MTUS2: variants seen among roughly 807,000 people sequenced by gnomAD.
MTUS2 encodes the protein microtubule-associated tumor suppressor candidate 2.
A neutral mutation model predicts 114.1 loss-of-function variants in MTUS2; 40 were observed. That is an observed-to-expected ratio of 0.35 (90% CI 0.27 to 0.46). The LOEUF is 0.46. MTUS2 is among the 20% of genes least tolerant of loss of function. The pLI is 1.00. For synonymous variants in MTUS2, 688 were observed against 672.0 expected (o/e 1.02, Z -0.37); for missense variants, 1,679 against 1,705.4 (o/e 0.98, Z 0.27).
At chr13:29,197,216 C>T (rs1894740800) in intron 5 of MTUS2, among the ~76,000 whole-genome samples, 1 of 152,150 alleles carries the variant, frequency 6.6e-6, no homozygotes, top group Non-Finnish European at 1.5e-5. Flanking sequence ...ATATCCCTCC[C>T]CTTGCCCCCC....
intron 2 of MTUS2, among the ~76,000 whole-genome samples, chr13:28,939,714 A>C (rs1023838438): frequency 6.6e-6 from 1 of 152,174 alleles, no homozygotes; most frequent in African/African-American, 2.4e-5. Context: ...CACCTGCTGA[A>C]AAAACTAGGA....
intron 8 of MTUS2, among the ~76,000 whole-genome samples, chr13:29,386,150 A>G (rs996806981): frequency 6.6e-6 from 1 of 152,246 alleles, no homozygotes; most frequent in Non-Finnish European, 1.5e-5. Context: ...CTCATCAGGA[A>G]AAATCTTTCC....
intron 5 of MTUS2, among the ~76,000 whole-genome samples, chr13:29,171,759 C>T (rs1181468186): frequency 1.3e-5 from 2 of 152,216 alleles, no homozygotes; most frequent in African/African-American, 4.8e-5. Flanking sequence ...TTATATTTCT[C>T]TACCAACTGT....
intron 8 of MTUS2, among the ~76,000 whole-genome samples, chr13:29,383,080 C>G (rs1186033791): frequency 1.3e-5 from 2 of 152,060 alleles, no homozygotes; most frequent in Non-Finnish European, 2.9e-5. Context: ...AGTCTAGCCA[C>G]TTAACACAGA....
At chr13:29,502,447 G>A (rs186757696) in intron 15 of MTUS2, among the ~76,000 whole-genome samples, 14 of 152,300 alleles carry the variant, frequency 9.2e-5, no homozygotes, top group Admixed American at 2.6e-4. Context: ...TCTGTCCTCC[G>A]GAGCTCCCAG....
At position 29,469,651 on chromosome 13, in the gene MTUS2, A is replaced by C. The variant is rs575026223; in HGVS notation, c.3185-10499A>C. 4.0e-5 allele frequency among the ~76,000 whole-genome samples: 6 copies of C among 150,890 alleles called. No homozygotes were observed. In the South Asian group the frequency reaches 8.4e-4, roughly 21 times the overall value. On this transcript the variant is annotated intron_variant, in intron 9 of 15. Transcript: ENST00000612955. ...CAAAAAAAAAAAAAAGAAAGAAAGA[A>C]AGAAAGAAGGCTGGGTGCAGTGGCT...
At chr13:28,835,512 G>A (rs955348222) in intron 1 of MTUS2, among the ~76,000 whole-genome samples, 1 of 152,162 alleles carries the variant, frequency 6.6e-6, no homozygotes, top group African/African-American at 2.4e-5. Context: ...GAGGGCTGTG[G>A]AGTATCTGCT....
intron 5 of MTUS2, among the ~76,000 whole-genome samples, chr13:29,209,544 T>C (rs1422414696): frequency 6.6e-6 from 1 of 152,132 alleles, no homozygotes; most frequent in Non-Finnish European, 1.5e-5. Flanking sequence ...TTTTATGCTT[T>C]AAGGGGGTTC....
At chr13:29,249,300 T>C (rs1897040705) in intron 5 of MTUS2, among the ~76,000 whole-genome samples, 1 of 152,112 alleles carries the variant, frequency 6.6e-6, no homozygotes, top group Non-Finnish European at 1.5e-5. Flanking sequence ...AAACGAATGA[T>C]TTATATTCCT....
At chr13:28,895,153 T>A (rs1879190024) in intron 2 of MTUS2, among the ~76,000 whole-genome samples, 1 of 152,220 alleles carries the variant, frequency 6.6e-6, no homozygotes, top group Admixed American at 6.5e-5. Context: ...CGTATCTATT[T>A]GTGGAAGTAG....
At chr13:29,236,501 A>T (rs116919659) in intron 5 of MTUS2, among the ~76,000 whole-genome samples, 1 of 152,244 alleles carries the variant, frequency 6.6e-6, no homozygotes, top group Non-Finnish European at 1.5e-5. Context: ...CCTAGACAGA[A>T]GAGGTTGAAA....
In MTUS2 at chr13:29,026,681, G is replaced by A. The variant is rs534938441; in HGVS notation, c.1983G>A (p.Ser661=). Residue 661 remains serine, a synonymous_variant, in exon 3 of 16, where the codon TCG becomes TCA. Coordinates refer to ENST00000612955, the MANE Select transcript of MTUS2 (RefSeq NM_001033602.4). ...NPQALGQVDA[S]LVPVGLPYAP... ...AGGCCCTGGGCCAGGTGGACGCCTCGCTGGTTCCAGTGGGGCTTCCATATG... is the reference window on the plus strand; with the variant it reads ...AGGCCCTGGGCCAGGTGGACGCCTCACTGGTTCCAGTGGGGCTTCCATATG... 7.4e-6 allele frequency: 12 copies of A among 1,613,824 alleles called. No homozygotes were observed. The highest frequency in any genetic ancestry group is 6.6e-5 in the South Asian group (6 of 91,076).
chr13:29,445,519 G>A (rs1215591807), intron 9 of MTUS2, among the ~76,000 whole-genome samples: 1 of 152,206 alleles, frequency 6.6e-6, no homozygotes, highest in Admixed American at 6.5e-5. Context: ...GGCAGGGGGT[G>A]AGGTGGGGAG....
intron 5 of MTUS2, among the ~76,000 whole-genome samples, chr13:29,177,168 T>C (rs1374004017): frequency 6.6e-6 from 1 of 150,978 alleles, no homozygotes; most frequent in East Asian, 1.9e-4. Context: ...ATTTGCGATA[T>C]CTAATAAGCA....
chr13:29,447,114 C>T (rs1441223717), intron 9 of MTUS2, among the ~76,000 whole-genome samples: 2 of 147,244 alleles, frequency 1.4e-5, no homozygotes, highest in African/African-American at 5.3e-5. Context: ...GCAAATATTC[C>T]AAAATAAAAA....
intron 2 of MTUS2, among the ~76,000 whole-genome samples, chr13:28,840,841 C>G (rs1201287080): frequency 6.6e-6 from 1 of 152,210 alleles, no homozygotes; most frequent in Non-Finnish European, 1.5e-5. Flanking sequence ...AGAAACTTAC[C>G]AGAAGCACAG....
In MTUS2 at chr13:29,026,450, C is replaced by A. The variant is rs745559888; in HGVS notation, c.1752C>A (p.Ser584=). Residue 584 remains serine, a synonymous_variant, in exon 3 of 16, where the codon TCC becomes TCA. Coordinates refer to ENST00000612955, the MANE Select transcript of MTUS2 (RefSeq NM_001033602.4). ...PTDSARLLNT[S]PKVPDKNTCP... is the part of the protein sequence containing the mutation. Reference sequence around the variant, plus strand: ...ATAGTGCACGCTTGTTGAACACGTCCCCCAAAGTGCCTGACAAGAACACTT... The same window carrying A: ...ATAGTGCACGCTTGTTGAACACGTCACCCAAAGTGCCTGACAAGAACACTT... 1 of 1,613,936 alleles carries A rather than the reference C, an allele frequency of 6.2e-7. No homozygotes were observed. The highest frequency in any genetic ancestry group is 8.5e-7 in the Non-Finnish European group (1 of 1,179,874).
chr13:29,435,067 A>C (rs1243105056), intron 8 of MTUS2, among the ~76,000 whole-genome samples: 1 of 152,234 alleles, frequency 6.6e-6, no homozygotes, highest in Non-Finnish European at 1.5e-5. Context: ...GATAGACCAC[A>C]CCAGAATGAA....
chr13:29,112,288 C>T (rs559402971), intron 5 of MTUS2, among the ~76,000 whole-genome samples: 35 of 152,114 alleles, frequency 2.3e-4, no homozygotes, highest in Non-Finnish European at 3.2e-4. Context: ...GCTTGGTCAG[C>T]GAGGCAGAGG....
Sources: gnomAD v4.1 joint callset for allele counts (sites outside exome capture counted in the v4.1 genomes callset) on GRCh38, gnomAD v4.1.1 for gene constraint, MANE v1.5 for transcripts, NCBI Gene and HGNC (gene_info 2026-07-23, HGNC 2026-07-21) for gene names.